Variants in GABRB2 observed in about 807,000 individuals in gnomAD.
GABRB2 encodes gamma-aminobutyric acid receptor subunit beta-2.
GABRB2 carries 16 observed loss-of-function variants against 54.7 expected under a neutral mutation model. The observed-to-expected ratio is 0.29, with a 90% CI of 0.20 to 0.44. GABRB2 has a LOEUF of 0.44. Ranked by LOEUF, GABRB2 falls within the 20% of genes least tolerant of loss-of-function variation. GABRB2 has a pLI of 1.00. For missense variants in GABRB2, 355 were observed against 644.0 expected, an observed-to-expected ratio of 0.55 and a Z score of 4.86; for synonymous variants, 244 against 233.8, an observed-to-expected ratio of 1.04 and a Z score of -0.40.
chr5:161,456,531 A>C (rs916358409), intron 4 of GABRB2, among the ~76,000 whole-genome samples: 30 of 152,324 alleles, frequency 2.0e-4, no homozygotes, highest in African/African-American at 6.7e-4. Flanking sequence ...CCAGTACATA[A>C]GCAGGACAGA....
At chr5:161,381,726 G>T (rs988128343) in intron 5 of GABRB2, among the ~76,000 whole-genome samples, 3 of 152,134 alleles carry the variant, frequency 2.0e-5, no homozygotes, top group Non-Finnish European at 2.9e-5. Context: ...AAAGTATACT[G>T]AAGAGGTTAC....
rs775021096 is a variant in GABRB2 at position 161,546,598 on chromosome 5, G to A, written c.46C>T (p.Pro16Ser). ...GCACAGACAGCGGCGATTATTAAGG[G>A]GAAGGACCAAATCCCAAAGTAGCCC... ...KRGYFGIWSFPLIIAAVCAQS... is the reference protein window; with the variant it reads ...KRGYFGIWSFSLIIAAVCAQS... The change falls in exon 1 of 10, where the codon CCC becomes TCC. Residue 16 changes from proline to serine, a missense_variant. Physicochemically the swap from Pro to Ser is moderately conservative, Grantham distance 74 (BLOSUM62 -1). Transcript: ENST00000393959. 4 of 1,601,280 alleles carry A rather than the reference G, an allele frequency of 2.5e-6. No homozygotes were observed. The highest frequency in any genetic ancestry group is 1.1e-5 in the South Asian group (1 of 88,616).
chr5:161,310,272 A>T lies in GABRB2; in HGVS notation c.1192-15844T>A, dbSNP rs112714838. Among the ~76,000 whole-genome samples, 1,505 of 152,292 alleles carry T rather than the reference A, an allele frequency of 9.9e-3. 25 individuals are homozygous for T. The highest frequency in any genetic ancestry group is 0.034 in the African/African-American group (1,392 of 41,544). On this transcript the variant is annotated intron_variant, in intron 9 of 9. Transcript: ENST00000393959. ...CAACAAACCCCCATGACACAAGCTT[A>T]CCTATGAAACAAACCTGCACGTGTA...
At chr5:161,356,123 T>C (rs1351633007) in intron 5 of GABRB2, among the ~76,000 whole-genome samples, 3 of 152,152 alleles carry the variant, frequency 2.0e-5, no homozygotes, top group Non-Finnish European at 4.4e-5. Context: ...AATAGGATCA[T>C]GTGAAGGCAA....
chr5:161,301,503 C>T (rs1315745342), intron 9 of GABRB2, among the ~76,000 whole-genome samples: 1 of 151,914 alleles, frequency 6.6e-6, no homozygotes, highest in Non-Finnish European at 1.5e-5. Context: ...ATCTCTATTG[C>T]CCTGGAAAAC....
rs1287656938 is a variant in GABRB2 at position 161,294,298 on chromosome 5, T to C, written c.1322A>G (p.Tyr441Cys). The change falls in exon 10 of 10, where the codon TAT becomes TGT. Residue 441 changes from tyrosine to cysteine, a missense_variant. This residue lies in a region of GABRB2 where 201 missense variants were observed against 228.1 expected (regional missense o/e 0.88). Coordinates refer to ENST00000393959, the MANE Select transcript of GABRB2 (RefSeq NM_001371727.1). The stretch of plus-strand genomic sequence containing the variant: ...ATGCCTGGGCAACCCAGCTTTCCGA[T>C]ACTGGATGCTGGAGGCATCATAGGC... ...MLAYDASSIQYRKAGLPRHSF... is the reference protein window; with the variant it reads ...MLAYDASSIQCRKAGLPRHSF... The C allele has an allele frequency of 1.2e-6, 2 of 1,614,116 alleles. No individual in the cohort carries two copies. Among genetic ancestry groups the C allele is most frequent in the South Asian group, 1.1e-5 (1 of 91,086 alleles).
intron 5 of GABRB2, among the ~76,000 whole-genome samples, chr5:161,382,152 G>C (rs187545247): frequency 1.8e-4 from 27 of 152,270 alleles, no homozygotes; most frequent in African/African-American, 6.3e-4. Context: ...AGGAAAGAAG[G>C]GGGAAGAACA....
chr5:161,459,869 T>C (rs768618943), intron 3 of GABRB2, 25 bp from the exon 4 acceptor site: 5 of 1,455,156 alleles, frequency 3.4e-6, no homozygotes, highest in South Asian at 1.1e-5. Context: ...AAAAAAAACA[T>C]GGTTAGTTTA....
chr5:161,501,133 A>T (rs1759426081), intron 3 of GABRB2, among the ~76,000 whole-genome samples: 1 of 152,168 alleles, frequency 6.6e-6, no homozygotes, highest in African/African-American at 2.4e-5. Flanking sequence ...GTCCTGAATA[A>T]GTGGCCCTGT....
chr5:161,366,389 T>G (rs966800131), intron 5 of GABRB2, among the ~76,000 whole-genome samples: 2 of 152,098 alleles, frequency 1.3e-5, no homozygotes, highest in Admixed American at 1.3e-4. Context: ...TTCTCCACAT[T>G]TGGATACTTG....
intron 5 of GABRB2, among the ~76,000 whole-genome samples, chr5:161,341,956 T>G (rs923290674): frequency 7.9e-5 from 6 of 76,044 alleles, no homozygotes; most frequent in Non-Finnish European, 2.0e-4. Flanking sequence ...TATATATATA[T>G]ATATATATAT....
chr5:161,371,663 A>C (rs1755136321), intron 5 of GABRB2, among the ~76,000 whole-genome samples: 1 of 152,206 alleles, frequency 6.6e-6, no homozygotes, highest in Non-Finnish European at 1.5e-5. Context: ...AAGAGGGGGT[A>C]AAGTCCTGAT....
At chr5:161,476,766 T>A (rs1226291226) in intron 3 of GABRB2, among the ~76,000 whole-genome samples, 1 of 151,914 alleles carries the variant, frequency 6.6e-6, no homozygotes, top group Non-Finnish European at 1.5e-5. Flanking sequence ...GGGCTCTTAT[T>A]TTATACCATA....
chr5:161,408,670 G>T (rs998922930), intron 5 of GABRB2, among the ~76,000 whole-genome samples: 1 of 151,818 alleles, frequency 6.6e-6, no homozygotes, highest in Admixed American at 6.6e-5. Flanking sequence ...ATTTTCATTT[G>T]CCAGAGGGAG....
chr5:161,388,820 T>C (rs1482846251), intron 5 of GABRB2, among the ~76,000 whole-genome samples: 1 of 151,966 alleles, frequency 6.6e-6, no homozygotes, highest in African/African-American at 2.4e-5. Flanking sequence ...TGTTGCTTAA[T>C]TACTCTATTT....
intron 3 of GABRB2, among the ~76,000 whole-genome samples, chr5:161,463,555 TTATATATA>T (rs869302091): frequency 3.4e-4 from 8 of 23,700 alleles, no homozygotes; most frequent in South Asian, 2.5e-3. Context: ...ATATTTTTAT[TTATATATA>T]TATATATATA....
At chr5:161,356,114 A>AT (rs763939387) in intron 5 of GABRB2, among the ~76,000 whole-genome samples, 10 of 152,118 alleles carry the variant, frequency 6.6e-5, no homozygotes, top group Non-Finnish European at 1.5e-4. Context: ...ATACACATGA[A>AT]TAGGATCATG....
At chr5:161,507,107 C>A (rs1759629780) in intron 3 of GABRB2, among the ~76,000 whole-genome samples, 1 of 151,952 alleles carries the variant, frequency 6.6e-6, no homozygotes, top group Non-Finnish European at 1.5e-5. Flanking sequence ...TCTGAAAATA[C>A]CTAAGTGGAA....
intron 5 of GABRB2, among the ~76,000 whole-genome samples, chr5:161,363,707 A>C (rs1356362916): frequency 6.6e-6 from 1 of 152,066 alleles, no homozygotes; most frequent in African/African-American, 2.4e-5. Flanking sequence ...GCCTCAAAAA[A>C]ACAAAAAGAA....
Sources: allele counts gnomAD v4.1 joint callset (sites outside exome capture counted in the v4.1 genomes callset), GRCh38; gene constraint gnomAD v4.1.1; regional missense constraint gnomAD v4.1.1; transcripts MANE v1.5; gene names NCBI Gene and HGNC (gene_info 2026-07-23, HGNC 2026-07-21).